Variants in VPS13C observed in about 807,000 individuals in gnomAD.
The protein encoded by VPS13C is vacuolar protein sorting 13 homolog C.
In VPS13C, 358 loss-of-function variants were observed where a neutral mutation model predicts 456.8. That is an observed-to-expected ratio of 0.78 (90% CI 0.72 to 0.86). The LOEUF (loss-of-function observed/expected upper bound fraction) is 0.86. VPS13C is among the 40% of genes least tolerant of loss of function. The probability of loss-of-function intolerance (pLI) is 0.00; values close to 1 mark genes in which losing one functional copy is unlikely to be tolerated. For synonymous variants in VPS13C, 1,578 were observed against 1,486.7 expected, an observed-to-expected ratio of 1.06 and a Z score of -1.41; for missense variants, 4,818 against 4,385.4, an observed-to-expected ratio of 1.10 and a Z score of -2.79.
intron 71 of VPS13C, among the ~76,000 whole-genome samples, chr15:61,881,190 C>T (rs754389642): frequency 4.6e-5 from 7 of 152,042 alleles, no homozygotes; most frequent in Admixed American, 1.3e-4. Flanking sequence ...ATGCCACATT[C>T]GTCATGTCAC....
intron 3 of VPS13C, among the ~76,000 whole-genome samples, chr15:62,035,495 T>C (rs990882734): frequency 2.0e-5 from 3 of 151,944 alleles, no homozygotes; most frequent in Admixed American, 1.3e-4. Context: ...CACATGCTCT[T>C]CTATCCACAT....
At position 62,051,175 on chromosome 15, in the gene VPS13C, G is replaced by A. The variant is rs118010093; in HGVS notation, c.101-6920C>T. On this transcript the variant is annotated intron_variant, in intron 1 of 84. Coordinates refer to ENST00000644861, the MANE Select transcript of VPS13C (RefSeq NM_020821.3). ...AAATTTAGGCTATAGCTTTCTTATG[G>A]TGCGTAACACTTAACTTTATATAAA... 9.2e-3 allele frequency among the ~76,000 whole-genome samples: 1,399 copies of A among 152,234 alleles called. 23 individuals carry two copies. Among genetic ancestry groups the A allele is most frequent in the Middle Eastern group, 0.014 (4 of 294 alleles).
At position 61,922,801 on chromosome 15, in the gene VPS13C, C is replaced by A. The variant is rs746728158; in HGVS notation, c.6610-39G>T. 1.3e-5 allele frequency: 19 copies of A among 1,497,266 alleles called. No individual in the cohort carries two copies. In the East Asian group the frequency reaches 3.0e-4, roughly 24 times the overall value. The allele number at this position is 1,497,266 out of a possible 1,614,324, so 92.7% of individuals were successfully genotyped here. On this transcript the variant is annotated intron_variant, in intron 53 of 84. Transcript: ENST00000644861. ...AGCAGAAAAATATTTATAATAAATTCTTTCCCAGATGAGAATATATACATA... is the reference window on the plus strand; with the variant it reads ...AGCAGAAAAATATTTATAATAAATTATTTCCCAGATGAGAATATATACATA...
chr15:61,866,771 T>C (rs934796878), intron 81 of VPS13C: 1 of 983,514 alleles, frequency 1.0e-6, no homozygotes, highest in Non-Finnish European at 1.2e-6. Context: ...TCTTTCTTCT[T>C]TAAAGTGGTT....
rs1829428428 is a variant in VPS13C at position 61,856,427 on chromosome 15, A to G, written c.10953-18T>C. The G allele has an allele frequency of 6.2e-7, 1 of 1,609,958 alleles. No homozygotes were observed. The highest frequency in any genetic ancestry group is 1.7e-5 in the Admixed American group (1 of 59,366). On this transcript the variant is annotated intron_variant, in intron 82 of 84. Coordinates refer to ENST00000644861, the MANE Select transcript of VPS13C (RefSeq NM_020821.3). Reference sequence around the variant, plus strand: ...ACACTCGCCTATTTTGCAAAAGAAAACAAAAACTTACAGTAAATGATGAAG... The same window carrying G: ...ACACTCGCCTATTTTGCAAAAGAAAGCAAAAACTTACAGTAAATGATGAAG...
At chr15:62,005,655 C>T (rs1413204375) in intron 15 of VPS13C, among the ~76,000 whole-genome samples, 1 of 149,872 alleles carries the variant, frequency 6.7e-6, no homozygotes, top group South Asian at 2.2e-4. Flanking sequence ...GCGGCTGGTA[C>T]CGGTTGTTCC....
At chr15:61,877,366 G>C (rs886628889) in intron 74 of VPS13C, among the ~76,000 whole-genome samples, 1 of 139,746 alleles carries the variant, frequency 7.2e-6, no homozygotes, top group African/African-American at 2.5e-5. Flanking sequence ...ATGATAAAAT[G>C]TTTAAAACAT....
chr15:61,975,741 A>C (rs2045683346), intron 24 of VPS13C, among the ~76,000 whole-genome samples: 1 of 152,098 alleles, frequency 6.6e-6, no homozygotes, highest in Non-Finnish European at 1.5e-5. Flanking sequence ...CTTCCAGAAA[A>C]CTCAATGCAT....
At chr15:61,896,523 TG>T (rs2042819695) in intron 66 of VPS13C, among the ~76,000 whole-genome samples, 1 of 151,936 alleles carries the variant, frequency 6.6e-6, no homozygotes. Flanking sequence ...CACTCCCACC[TG>T]AATACTGCGC....
chr15:62,055,297 T>C (rs1309388411), intron 1 of VPS13C, among the ~76,000 whole-genome samples: 2 of 151,946 alleles, frequency 1.3e-5, no homozygotes, highest in African/African-American at 2.4e-5. Context: ...GTGCAATCTC[T>C]GCTCACTGCA....
chr15:62,010,567 A>C lies in VPS13C; in HGVS notation c.916T>G (p.Tyr306Asp). 6.2e-7 allele frequency: 1 copy of C among 1,612,614 alleles called. No homozygotes were observed. The highest frequency in any genetic ancestry group is 8.5e-7 in the Non-Finnish European group (1 of 1,179,470). ...FQPISASAKLYMNPYAESELK... is the reference protein window; with the variant it reads ...FQPISASAKLDMNPYAESELK... ...TCTGATTCTGCATAAGGATTCATGT[A>C]GAGTTTTGCAGAGGCTGATATTGGC... Residue 306 changes from tyrosine to aspartate, a missense_variant, in exon 13 of 85, where the codon TAC (tyrosine) becomes GAC (aspartate). Around this residue, in one of 3 missense-constraint regions of VPS13C, gnomAD observed 4,552 missense variants for 4,130.6 expected, o/e 1.10. Coordinates refer to ENST00000644861, the MANE Select transcript of VPS13C (RefSeq NM_020821.3).
chr15:61,865,309 G>A, intron 81 of VPS13C: 1 of 979,196 alleles, frequency 1.0e-6, no homozygotes, highest in Non-Finnish European at 1.2e-6. Flanking sequence ...ATTACTGTTA[G>A]TAGAATAATT....
intron 66 of VPS13C, among the ~76,000 whole-genome samples, chr15:61,904,200 A>G (rs975861258): frequency 4.6e-5 from 7 of 152,072 alleles, no homozygotes; most frequent in African/African-American, 1.7e-4. Flanking sequence ...ACAAACCGAA[A>G]GAGAGAAATT....
chr15:61,877,963 C>A (rs891511344), intron 74 of VPS13C, among the ~76,000 whole-genome samples: 23 of 150,974 alleles, frequency 1.5e-4, no homozygotes, highest in Admixed American at 2.0e-4. Context: ...TTTTCCCAGG[C>A]TTTTGTTTTT....
chr15:62,058,150 G>C (rs1200103291), intron 1 of VPS13C, among the ~76,000 whole-genome samples: 2 of 152,316 alleles, frequency 1.3e-5, no homozygotes, highest in Non-Finnish European at 2.9e-5. Context: ...AATAAGGTAA[G>C]TGGCTTGTCC....
intron 15 of VPS13C, among the ~76,000 whole-genome samples, chr15:62,001,160 G>T (rs1289915517): frequency 6.6e-6 from 1 of 152,176 alleles, no homozygotes; most frequent in East Asian, 1.9e-4. Context: ...TGCTTTATGT[G>T]CTGTCTCATA....
In VPS13C at chr15:61,920,217, T is replaced by C. The variant is rs1308848829; in HGVS notation, c.7327A>G (p.Arg2443Gly). The part of the protein sequence containing the change: ...PIKVKPNCNL[R>G]VMGFPEKSDI... The stretch of plus-strand genomic sequence containing the variant: ...CTTTTCTCAGGGAAGCCCATTACTC[T>C]GAGATTACAATTGGGCTTCACCTTA... Residue 2443 changes from arginine (R) to glycine (G), a missense_variant, in exon 57 of 85, where the codon AGA becomes GGA. Physicochemically the swap from Arg to Gly is moderately radical, Grantham distance 125. Transcript: ENST00000644861. 1 of 1,613,538 alleles carries C rather than the reference T, an allele frequency of 6.2e-7. No homozygotes were observed. Among genetic ancestry groups the C allele is most frequent in the African/African-American group, 1.3e-5 (1 of 74,906 alleles).
At chr15:62,000,506 G>C (rs1435863438) in intron 16 of VPS13C, 58 bp downstream of exon 16, 18 of 1,490,234 alleles carry the variant, frequency 1.2e-5, no homozygotes, top group Non-Finnish European at 1.2e-5. Flanking sequence ...TTGATCCTAG[G>C]TTTAAAAGCG....
chr15:61,875,682 G>A (rs1427454593), intron 76 of VPS13C, 50 bp downstream of exon 76: 1 of 1,304,488 alleles, frequency 7.7e-7, no homozygotes, highest in East Asian at 2.3e-5. Context: ...TTAAAAAATA[G>A]ACCATCCATT....
Sources: gnomAD v4.1 joint callset for allele counts (sites outside exome capture counted in the v4.1 genomes callset) on GRCh38, gnomAD v4.1.1 for gene constraint, gnomAD v4.1.1 regional missense constraint, MANE v1.5 for transcripts, NCBI Gene and HGNC (gene_info 2026-07-23, HGNC 2026-07-21) for gene names.